The following CDC14B variants were observed in gnomAD, a reference collection of about 807,000 sequenced individuals.
CDC14B encodes the protein dual specificity protein phosphatase CDC14B.
In CDC14B, 22 loss-of-function variants were observed where a neutral mutation model predicts 64.2. The observed-to-expected ratio is 0.34, with a 90% confidence interval of 0.24 to 0.49. CDC14B has a LOEUF of 0.49. Ranked by LOEUF, CDC14B falls within the 20% of genes least tolerant of loss-of-function variation. CDC14B has a pLI of 0.99. For missense variants in CDC14B, 498 were observed against 629.9 expected (o/e 0.79, Z 2.24); for synonymous variants, 191 against 215.8 (o/e 0.89, Z 1.01).
chr9:96,576,459 C>T (rs1262666556), intron 1 of CDC14B, among the ~76,000 whole-genome samples: 1 of 151,482 alleles, frequency 6.6e-6, no homozygotes, highest in Non-Finnish European at 1.5e-5. Flanking sequence ...CACAAAACCC[C>T]TTCTCTACTA....
chr9:96,574,339 C>T (rs1247032774), intron 1 of CDC14B, among the ~76,000 whole-genome samples: 3 of 152,000 alleles, frequency 2.0e-5, no homozygotes, highest in African/African-American at 4.8e-5. Flanking sequence ...ATTCAATACA[C>T]GTGGGACAAC....
intron 12 of CDC14B, among the ~76,000 whole-genome samples, chr9:96,510,505 T>C (rs1483295249): frequency 6.6e-6 from 1 of 151,740 alleles, no homozygotes; most frequent in Non-Finnish European, 1.5e-5. Context: ...CCACACGGAA[T>C]GTCCTTTAAG....
chr9:96,515,607 C>T lies in CDC14B; in HGVS notation c.1344-5818G>A, dbSNP rs373032943. 4 of 1,509,338 alleles carry T rather than the reference C, an allele frequency of 2.7e-6. No homozygotes were observed. In the African/African-American group the frequency reaches 5.6e-5, roughly 21 times the overall value. 93.5% of individuals were successfully genotyped at this position (1,509,338 alleles called of 1,614,324 possible). On this transcript the variant is annotated intron_variant, in intron 12 of 13. Transcript: ENST00000375241. This position sits in a 1 kb window ranked among gnomAD's most constrained non-coding sequence, Gnocchi z 4.3. ...TGCATTGTGGGAACCACACTAGGCA[C>T]CAGAAGTAAGCAACGGCAGAGAAAC...
chr9:96,553,141 A>T (rs1001871067), intron 4 of CDC14B, among the ~76,000 whole-genome samples: 1 of 152,164 alleles, frequency 6.6e-6, no homozygotes, highest in Non-Finnish European at 1.5e-5. Flanking sequence ...GTTTAATAAA[A>T]GTTGATATCA....
At chr9:96,572,279 CAG>C (rs1258892519) in intron 1 of CDC14B, among the ~76,000 whole-genome samples, 13 of 152,194 alleles carry the variant, frequency 8.5e-5, no homozygotes, top group Admixed American at 8.5e-4. Context: ...TGAACCCAAA[CAG>C]GGGATACCGG....
intron 1 of CDC14B, among the ~76,000 whole-genome samples, chr9:96,568,379 T>C (rs1206843580): frequency 6.6e-6 from 1 of 152,200 alleles, no homozygotes; most frequent in Non-Finnish European, 1.5e-5. Context: ...GAAAAATATG[T>C]TAAATTCATT....
At chr9:96,507,328 A>G (rs1834279898) in intron 13 of CDC14B, among the ~76,000 whole-genome samples, 2 of 151,980 alleles carry the variant, frequency 1.3e-5, no homozygotes, top group South Asian at 4.2e-4. Flanking sequence ...AAAAAAAAAA[A>G]AGCCTGAGCA....
intron 1 of CDC14B, chr9:96,618,705 G>A: frequency 2.3e-6 from 1 of 433,182 alleles, no homozygotes; most frequent in Non-Finnish European, 4.5e-6. Context: ...CGGGCAACGC[G>A]GCGCCCAGGG....
rs956017989 is a variant in CDC14B at position 96,502,478 on chromosome 9, C to T, written c.*1275G>A. The T allele has an allele frequency of 1.2e-4, 21 of 173,874 alleles. No homozygotes were observed. Among genetic ancestry groups the T allele is most frequent in the African/African-American group, 4.9e-4 (21 of 42,514 alleles). The allele number at this position is 173,874 out of a possible 1,614,324, so 10.8% of individuals were successfully genotyped here. ...GCATTTGTTTCCCACTGCCTGTCGA[C>T]ATCTCAGCCCTCCATGCTCCCGGCA... On this transcript the variant is annotated 3_prime_UTR_variant, in exon 14 of 14. Transcript: ENST00000375241.
intron 1 of CDC14B, among the ~76,000 whole-genome samples, chr9:96,583,421 A>C (rs1845282969): frequency 6.9e-6 from 1 of 145,426 alleles, no homozygotes; most frequent in Non-Finnish European, 1.5e-5. Flanking sequence ...TATTGAGACT[A>C]AGTCTCACTC....
intron 4 of CDC14B, among the ~76,000 whole-genome samples, chr9:96,562,010 T>G (rs1843275654): frequency 6.6e-6 from 1 of 152,174 alleles, no homozygotes; most frequent in Non-Finnish European, 1.5e-5. Flanking sequence ...AAACAAAATG[T>G]GACTCTTCAA....
At chr9:96,604,342 T>TTTTTTATTA (rs1554780545) in intron 1 of CDC14B, among the ~76,000 whole-genome samples, 22 of 131,840 alleles carry the variant, frequency 1.7e-4, no homozygotes, top group Admixed American at 3.1e-4. Context: ...GAAGCTTGCA[T>TTTTTTATTA]TTATTATTAT....
intron 1 of CDC14B, 118 bp from the exon 2 acceptor site, chr9:96,565,601 T>C: frequency 1.3e-5 from 10 of 745,678 alleles, no homozygotes; most frequent in Non-Finnish European, 2.0e-5. Flanking sequence ...ACGTTTCAGA[T>C]GGTAGGAGTG....
chr9:96,614,064 GT>G (rs1847479360), intron 1 of CDC14B, among the ~76,000 whole-genome samples: 1 of 152,018 alleles, frequency 6.6e-6, no homozygotes, highest in African/African-American at 2.4e-5. Flanking sequence ...CTCAATTAGT[GT>G]TTTTCCAATA....
At chr9:96,610,808 T>G (rs1012880669) in intron 1 of CDC14B, among the ~76,000 whole-genome samples, 1 of 152,148 alleles carries the variant, frequency 6.6e-6, no homozygotes, top group Non-Finnish European at 1.5e-5. Context: ...ATTAATCCAA[T>G]GAAATATCGC....
intron 7 of CDC14B, among the ~76,000 whole-genome samples, chr9:96,537,014 G>T (rs1163208764): frequency 6.6e-6 from 1 of 152,126 alleles, no homozygotes; most frequent in African/African-American, 2.4e-5. Context: ...GTGTGGTTGG[G>T]TGCCGTGGCT....
chr9:96,494,897 C>G (rs1156321589), intron 13 of CDC14B, among the ~76,000 whole-genome samples: 5 of 150,460 alleles, frequency 3.3e-5, no homozygotes, highest in Admixed American at 1.3e-4. Flanking sequence ...TGCAGTGGCG[C>G]GATCTCGGCT....
Position 96,522,519 on chromosome 9 carries a change from C to T in CDC14B, c.1330G>A (p.Ala444Thr), listed in dbSNP as rs371730723. The change falls in exon 12 of 14, where the codon GCT becomes ACT. Residue 444 changes from alanine to threonine, a missense_variant. Physicochemically the swap from Ala to Thr is moderately conservative, Grantham distance 58 (BLOSUM62 0). Coordinates refer to ENST00000375241, the MANE Select transcript of CDC14B (RefSeq NM_033331.4). ...LKSRRQSKTNAIPLTVILQSS... is the reference protein window; with the variant it reads ...LKSRRQSKTNTIPLTVILQSS... ...ACCCAGACTCACGTGAGAGGAATAG[C>T]GTTTGTTTTGGATTGTCTTCTGCTT... The T allele has an allele frequency of 1.2e-5, 20 of 1,609,950 alleles. No individual in the cohort carries two copies. Among genetic ancestry groups the T allele is most frequent in the Admixed American group, 5.0e-5 (3 of 59,992 alleles).
At chr9:96,534,712 G>A (rs565016919) in intron 7 of CDC14B, among the ~76,000 whole-genome samples, 170 bp from the exon 8 acceptor site, 40 of 152,306 alleles carry the variant, frequency 2.6e-4, no homozygotes, top group African/African-American at 8.2e-4. Flanking sequence ...AGTATATCTA[G>A]GGAATGGACG....
Sources: allele counts gnomAD v4.1 joint callset (sites outside exome capture counted in the v4.1 genomes callset), GRCh38; gene constraint gnomAD v4.1.1; non-coding constraint Gnocchi (gnomAD v3.1); transcripts MANE v1.5; gene names NCBI Gene and HGNC (gene_info 2026-07-23, HGNC 2026-07-21).